DMD: variants seen among roughly 807,000 people sequenced by gnomAD.
DMD encodes dystrophin, also known as mutant dystrophin.
In DMD, 63 loss-of-function variants were observed where a neutral mutation model predicts 330.1. That is an observed-to-expected ratio of 0.19 (90% CI 0.16 to 0.24). The LOEUF (loss-of-function observed/expected upper bound fraction) is 0.24, where lower values mean the gene tolerates loss of function less well. DMD is among the 10% of genes least tolerant of loss of function. The probability of loss-of-function intolerance (pLI) is 1.00; values close to 1 mark genes in which losing one functional copy is unlikely to be tolerated. For synonymous variants in DMD, 1,223 were observed against 959.8 expected (o/e 1.27, Z -5.07); for missense variants, 3,344 against 2,684.1 (o/e 1.25, Z -5.43).
chrX:32,415,897 A>T (rs2098164371), intron 29 of DMD, among the ~76,000 whole-genome samples: 1 of 112,533 alleles, frequency 8.9e-6, no homozygotes, highest in Non-Finnish European at 1.9e-5. Context: ...TCTTTAAAGT[A>T]CTATGGAAAT....
At chrX:32,451,009 A>G (rs184605724) in intron 26 of DMD, among the ~76,000 whole-genome samples, 12 of 111,186 alleles carry the variant, frequency 1.1e-4, no homozygotes, top group African/African-American at 2.9e-4. Context: ...TACAGTTTCT[A>G]TACAAATCCT....
intron 7 of DMD, among the ~76,000 whole-genome samples, chrX:32,790,554 T>C (rs1262071524): frequency 9.0e-6 from 1 of 111,445 alleles, no homozygotes; most frequent in African/African-American, 3.3e-5. Flanking sequence ...TGTCCTGACC[T>C]AGGACTAAAA....
At chrX:32,232,310 G>T (rs2097171865) in intron 43 of DMD, among the ~76,000 whole-genome samples, 1 of 111,693 alleles carries the variant, frequency 9.0e-6, no homozygotes, top group African/African-American at 3.3e-5. Flanking sequence ...ATCTATTTTT[G>T]ATAAATTTGT....
At chrX:32,771,519 C>T (rs1341073098) in intron 7 of DMD, among the ~76,000 whole-genome samples, 1 of 111,092 alleles carries the variant, frequency 9.0e-6, no homozygotes, top group Admixed American at 9.6e-5. Flanking sequence ...CACACACACA[C>T]ACACACTCTG....
intron 44 of DMD, among the ~76,000 whole-genome samples, chrX:32,124,210 G>A (rs6631498): frequency 8.9e-6 from 1 of 112,372 alleles, no homozygotes; most frequent in South Asian, 3.6e-4. Flanking sequence ...TTTACTCATC[G>A]CAATACCTCT....
At chrX:31,339,462 C>G (rs1018544933) in intron 61 of DMD, among the ~76,000 whole-genome samples, 1 of 112,031 alleles carries the variant, frequency 8.9e-6, no homozygotes, top group Non-Finnish European at 1.9e-5. Flanking sequence ...GCTGAAGAAA[C>G]TGGCTCAAAT....
intron 44 of DMD, among the ~76,000 whole-genome samples, chrX:32,165,789 A>C (rs930314934): frequency 9.0e-6 from 1 of 111,209 alleles, no homozygotes; most frequent in Non-Finnish European, 1.9e-5. Context: ...CAGGTGTCAA[A>C]GGAGAGGCTA....
At chrX:32,550,296 C>G (rs187276083) in intron 16 of DMD, among the ~76,000 whole-genome samples, 126 of 111,776 alleles carry the variant, frequency 1.1e-3, no homozygotes, top group African/African-American at 3.9e-3. Flanking sequence ...CACTCTTGGA[C>G]CACAGTGCAA....
chrX:32,644,203 T>C lies in DMD; in HGVS notation c.1260A>G (p.Val420=), dbSNP rs1179037734. The change falls in exon 11 of 79, where the codon GTA becomes GTG. Residue 420 remains valine, a synonymous_variant. Coordinates refer to ENST00000357033, the MANE Select transcript of DMD (RefSeq NM_004006.3). ...AATTTAGGAGATTCATCTGCTCTTGTACTTCAGTTTCTTCATCTTCTGATA... is the reference window on the plus strand; with the variant it reads ...AATTTAGGAGATTCATCTGCTCTTGCACTTCAGTTTCTTCATCTTCTGATA... The part of the protein sequence containing the change: ...GKLSEDEETE[V]QEQMNLLNSR... 1 of 1,210,524 alleles carries C rather than the reference T, an allele frequency of 8.3e-7. No individual in the cohort carries two copies. The highest frequency in any genetic ancestry group is 1.1e-6 in the Non-Finnish European group (1 of 894,345).
intron 57 of DMD, among the ~76,000 whole-genome samples, chrX:31,496,041 A>C (rs1299149570): frequency 8.9e-6 from 1 of 112,138 alleles, no homozygotes; most frequent in Non-Finnish European, 1.9e-5. Flanking sequence ...AATGACAATA[A>C]GAATTGTACT....
chrX:31,567,374 G>C (rs1258317684), intron 55 of DMD, among the ~76,000 whole-genome samples: 9 of 110,820 alleles, frequency 8.1e-5, no homozygotes. Context: ...CCTTTATTAA[G>C]ATGTGGAAGT....
chrX:32,301,151 T>C (rs1230798040), intron 42 of DMD, among the ~76,000 whole-genome samples: 6 of 107,610 alleles, frequency 5.6e-5, no homozygotes, highest in African/African-American at 1.7e-4. Context: ...TCCATCATAT[T>C]GTTTTACACA....
chrX:31,175,034 G>C (rs769823677), intron 71 of DMD, among the ~76,000 whole-genome samples: 26 of 111,830 alleles, frequency 2.3e-4, no homozygotes, highest in African/African-American at 7.4e-4. Context: ...GTTTTGGAGA[G>C]TTAATCTGTT....
chrX:32,423,085 C>A (rs984896383), intron 29 of DMD, among the ~76,000 whole-genome samples: 4 of 111,031 alleles, frequency 3.6e-5, no homozygotes, highest in Non-Finnish European at 7.6e-5. Context: ...AAAAGAGAAA[C>A]TTCAATCCAA....
chrX:31,747,182 G>C (rs965469091), intron 51 of DMD, among the ~76,000 whole-genome samples: 9 of 111,362 alleles, frequency 8.1e-5, no homozygotes, highest in African/African-American at 2.9e-4. Context: ...GTTGCTGGGG[G>C]TAGGAGGTGT....
chrX:31,750,194 G>A (rs5927038), intron 51 of DMD, among the ~76,000 whole-genome samples: 4,450 of 109,259 alleles, frequency 0.041, 104 homozygotes, highest in Middle Eastern at 0.099. Flanking sequence ...CTTGCTTTTG[G>A]TGTTTTAGAC....
Position 32,389,509 on chromosome X carries a change from G to A in DMD, c.4510C>T (p.His1504Tyr), listed in dbSNP as rs1469008607. The stretch of plus-strand genomic sequence containing the variant: ...CCACCAGAAATACATACCACACAAT[G>A]ATTTAGCTGTGACTGTACTACTTCC... Reference protein sequence around the residue: ...EQEVVQSQLNHCVNLYKSLSE... With the variant: ...EQEVVQSQLNYCVNLYKSLSE... The change falls in exon 32 of 79, where the codon CAT becomes TAT. Residue 1504 changes from histidine to tyrosine, a missense_variant. Transcript: ENST00000357033. 3.3e-6 allele frequency: 4 copies of A among 1,209,225 alleles called. No homozygotes were observed. The highest frequency in any genetic ancestry group is 3.0e-5 in the East Asian group (1 of 33,712).
intron 11 of DMD, among the ~76,000 whole-genome samples, chrX:32,633,642 G>C (rs947582745): frequency 2.7e-5 from 3 of 111,942 alleles, no homozygotes; most frequent in Non-Finnish European, 5.6e-5. Context: ...ACCTGAGACT[G>C]AGTAATTTAT....
At chrX:31,834,881 A>G in intron 49 of DMD, among the ~76,000 whole-genome samples, 1 of 111,475 alleles carries the variant, frequency 9.0e-6, no homozygotes, top group Non-Finnish European at 1.9e-5. Context: ...AAAAGGAAGG[A>G]AAAAAACAGT....
Sources: allele counts gnomAD v4.1 joint callset (sites outside exome capture counted in the v4.1 genomes callset), GRCh38; gene constraint gnomAD v4.1.1; transcripts MANE v1.5; gene names NCBI Gene and HGNC (gene_info 2026-07-23, HGNC 2026-07-21).